Variants in IP6K3 observed in about 807,000 individuals in gnomAD.
IP6K3 encodes inositol hexakisphosphate kinase 3.
A neutral mutation model predicts 28.8 loss-of-function variants in IP6K3; 20 were observed. The ratio of observed to expected loss-of-function variants is 0.70; its 90% CI spans 0.49 to 1.01. IP6K3 has a LOEUF of 1.01. IP6K3 is among the 50% of genes least tolerant of loss of function. IP6K3 has a pLI of 0.00. For missense variants in IP6K3, 480 were observed against 537.1 expected (o/e 0.89, Z 1.05); for synonymous variants, 213 against 221.3 (o/e 0.96, Z 0.33).
chr6:33,723,105 G>C lies in IP6K3; in HGVS notation c.848C>G (p.Ala283Gly), dbSNP rs61748595. 26 of 1,614,154 alleles carry C rather than the reference G, an allele frequency of 1.6e-5. No homozygotes were observed. Among genetic ancestry groups the C allele is most frequent in the Non-Finnish European group, 1.9e-5 (22 of 1,180,002 alleles). The change falls in exon 6 of 6, where the codon GCC (alanine) becomes GGC (glycine). Residue 283 changes from alanine (A) to glycine (G), a missense_variant. Transcript: ENST00000293756. ...RKLSVEGFRQALYQFLHNGSH... is the reference protein window; with the variant it reads ...RKLSVEGFRQGLYQFLHNGSH... ...TCCATTATGTAGGAACTGATAGAGG[G>C]CTTGTCTGAACCCCTCCACTGAGAG...
intron 4 of IP6K3, 148 bp from the exon 5 acceptor site, chr6:33,725,764 C>G (rs1766089498): frequency 1.6e-6 from 1 of 608,862 alleles, no homozygotes; most frequent in Non-Finnish European, 2.8e-6. Context: ...ACAAGCTCAT[C>G]CTTGCTATTA....
rs1766184150 is a variant in IP6K3, at chr6:33,728,108, A to AGCTGGGCATGCGGCC, written c.377_391dup (p.Gln130_Leu131insArgProHisAlaGln). The AGCTGGGCATGCGGCC allele has an allele frequency of 6.2e-7, 1 of 1,606,018 alleles. No homozygotes were observed. The highest frequency in any genetic ancestry group is 1.1e-5 in the South Asian group (1 of 91,056). Reference sequence around the variant, plus strand: ...TCACCTCTCCTTGGGTGAGCGTGCCAGCTGGGCATGCGGCCACTGGGCAAG... The same window carrying AGCTGGGCATGCGGCC: ...TCACCTCTCCTTGGGTGAGCGTGCCAGCTGGGCATGCGGCCGCTGGGCATGCGGCCACTGGGCAAG... On this transcript the variant is annotated inframe_insertion, in exon 3 of 6. Transcript: ENST00000293756.
chr6:33,749,569 A>AT (rs1237421349), upstream of IP6K3, among the ~76,000 whole-genome samples: 1 of 147,508 alleles, frequency 6.8e-6, no homozygotes, highest in Non-Finnish European at 1.5e-5. Flanking sequence ...AGATGGCCCC[A>AT]CTGACTAGGA....
intron 2 of IP6K3, among the ~76,000 whole-genome samples, chr6:33,732,978 A>G (rs369525974): frequency 3.3e-5 from 5 of 152,194 alleles, no homozygotes; most frequent in Non-Finnish European, 7.3e-5. Flanking sequence ...TTCATTAGTT[A>G]GTGCTTGGGC....
intron 1 of IP6K3, among the ~76,000 whole-genome samples, chr6:33,743,019 G>C (rs965364325): frequency 6.6e-6 from 1 of 152,100 alleles, no homozygotes; most frequent in African/African-American, 2.4e-5. Context: ...AGGAGGATGC[G>C]GGAGTGCTTG....
chr6:33,725,800 G>T (rs112528998), intron 4 of IP6K3, among the ~76,000 whole-genome samples, 184 bp from the exon 5 acceptor site: 1 of 152,182 alleles, frequency 6.6e-6, no homozygotes, highest in Non-Finnish European at 1.5e-5. Flanking sequence ...AGCTTTGCAG[G>T]CTGCTTTAAT....
intron 2 of IP6K3, among the ~76,000 whole-genome samples, chr6:33,730,764 G>T (rs965727456): frequency 1.3e-5 from 2 of 152,192 alleles, no homozygotes; most frequent in Non-Finnish European, 2.9e-5. Context: ...TCGGTGTGGG[G>T]TGGAGCTCTG....
At chr6:33,726,622 C>G in intron 4 of IP6K3, 109 bp downstream of exon 4, 2 of 1,128,664 alleles carry the variant, frequency 1.8e-6, no homozygotes, top group South Asian at 1.6e-5. Flanking sequence ...TCCCTGCTAC[C>G]CTCCATTGGC....
intron 2 of IP6K3, among the ~76,000 whole-genome samples, chr6:33,730,964 G>A (rs966924680): frequency 1.4e-4 from 22 of 152,200 alleles, no homozygotes; most frequent in Admixed American, 3.3e-4. Context: ...AGGGAGGGTC[G>A]TCAGCGCTGA....
the IP6K3 span, among the ~76,000 whole-genome samples, chr6:33,756,216 A>C: frequency 2.0e-5 from 3 of 152,216 alleles, no homozygotes; most frequent in Admixed American, 6.5e-5. Flanking sequence ...AGTGTGGTAG[A>C]GAAAAAAAAT....
At chr6:33,746,963 G>A (rs1766935546), upstream of IP6K3, 1 of 152,612 alleles carries the variant, frequency 6.6e-6, no homozygotes, top group Non-Finnish European at 1.5e-5. This position sits in a 1 kb window ranked among gnomAD's most constrained non-coding sequence, Gnocchi z 6.5. Context: ...GACCCTCTGG[G>A]GAAGGGCTGG....
chr6:33,758,594 T>TTTG, the IP6K3 span, among the ~76,000 whole-genome samples: 2 of 152,074 alleles, frequency 1.3e-5, no homozygotes, highest in Non-Finnish European at 2.9e-5. Context: ...AAAAGTTTTT[T>TTTG]TTGTTGTTGT....
intron 2 of IP6K3, among the ~76,000 whole-genome samples, chr6:33,734,663 C>T (rs939681310): frequency 3.3e-5 from 5 of 152,218 alleles, no homozygotes; most frequent in African/African-American, 1.2e-4. Context: ...TGAAGGCCAG[C>T]AGGCAGCACC....
At position 33,726,867 on chromosome 6, in the gene IP6K3, G is replaced by A. The variant is rs773640060; in HGVS notation, c.453C>T (p.Asn151=). ...CTTCCACCAGCGAGAAGGCTGGAGT[G>A]TTGAGGTGGGGCTCGGACCTCAGAA... ...KALLRSEPHL[N]TPAFSLVEDT... The change falls in exon 4 of 6, where the codon AAC becomes AAT. Residue 151 remains asparagine, a synonymous_variant. Transcript: ENST00000293756. 35 of 1,612,054 alleles carry A rather than the reference G, an allele frequency of 2.2e-5. No individual in the cohort carries two copies. In the Admixed American group the frequency reaches 5.7e-4, roughly 26 times the overall value.
the IP6K3 span, among the ~76,000 whole-genome samples, chr6:33,758,465 G>A: frequency 1.3e-5 from 2 of 152,186 alleles, no homozygotes; most frequent in South Asian, 2.1e-4. Context: ...GGTTGAGGCT[G>A]TAGTGAGCCA....
intron 2 of IP6K3, among the ~76,000 whole-genome samples, chr6:33,734,508 C>T (rs1582214107): frequency 6.6e-6 from 1 of 152,212 alleles, no homozygotes. Flanking sequence ...TGGGGTCTAC[C>T]GTCCTCTAAA....
chr6:33,731,326 C>T (rs73743321), intron 2 of IP6K3, among the ~76,000 whole-genome samples: 1 of 152,178 alleles, frequency 6.6e-6, no homozygotes, highest in African/African-American at 2.4e-5. Context: ...CTGCCAGAAA[C>T]CACAGTCTTG....
At chr6:33,724,969 C>T (rs1231232305) in intron 5 of IP6K3, among the ~76,000 whole-genome samples, 2 of 152,158 alleles carry the variant, frequency 1.3e-5, no homozygotes, top group Non-Finnish European at 2.9e-5. Flanking sequence ...GGGCCGGGCG[C>T]AGTGGCTCAC....
chr6:33,728,018 G>A, intron 3 of IP6K3, 69 bp downstream of exon 3: 1 of 1,561,646 alleles, frequency 6.4e-7, no homozygotes, highest in Non-Finnish European at 8.6e-7. Context: ...TTGGCCTTGG[G>A]CACAGGTGGG....
Sources: gnomAD v4.1 joint callset for allele counts (sites outside exome capture counted in the v4.1 genomes callset) on GRCh38, gnomAD v4.1.1 for gene constraint, Gnocchi (gnomAD v3.1) non-coding constraint, MANE v1.5 for transcripts, NCBI Gene and HGNC (gene_info 2026-07-23, HGNC 2026-07-21) for gene names.